The following DTNB variants were observed in gnomAD, a reference collection of about 807,000 sequenced individuals.
DTNB encodes the protein dystrobrevin beta.
A neutral mutation model predicts 90.7 loss-of-function variants in DTNB; 63 were observed. That is an observed-to-expected ratio of 0.69 (90% CI 0.57 to 0.86). DTNB has a LOEUF of 0.86. Ranked by LOEUF, DTNB falls within the 40% of genes least tolerant of loss-of-function variation. The probability of loss-of-function intolerance (pLI) is 0.00; values close to 1 mark genes in which losing one functional copy is unlikely to be tolerated. For missense variants in DTNB, 744 were observed against 807.1 expected (o/e 0.92, Z 0.95); for synonymous variants, 277 against 286.7 (o/e 0.97, Z 0.34).
intron 8 of DTNB, among the ~76,000 whole-genome samples, chr2:25,536,903 T>G (rs1054871623): frequency 2.6e-5 from 4 of 152,058 alleles, no homozygotes; most frequent in African/African-American, 7.2e-5. Flanking sequence ...CCACCATGCC[T>G]GGCTAATTTT....
intron 10 of DTNB, among the ~76,000 whole-genome samples, chr2:25,473,082 A>G (rs919815549): frequency 1.3e-5 from 2 of 152,242 alleles, no homozygotes; most frequent in South Asian, 4.2e-4. Context: ...ATTTCAGAAA[A>G]ACCCCTGCAG....
chr2:25,602,157 A>G (rs550720501), intron 5 of DTNB, among the ~76,000 whole-genome samples: 1 of 152,058 alleles, frequency 6.6e-6, no homozygotes, highest in African/African-American at 2.4e-5. Context: ...AAAGAAACTT[A>G]TTAATATGCC....
intron 10 of DTNB, among the ~76,000 whole-genome samples, chr2:25,458,562 G>A (rs561906554): frequency 2.0e-5 from 3 of 152,176 alleles, no homozygotes; most frequent in Non-Finnish European, 2.9e-5. Context: ...TCAACCTCCT[G>A]GGCTGAAGCA....
intron 9 of DTNB, among the ~76,000 whole-genome samples, chr2:25,512,073 A>C (rs545701129): frequency 6.6e-6 from 1 of 152,342 alleles, no homozygotes; most frequent in South Asian, 2.1e-4. Context: ...TATTCCATTA[A>C]CATGATCCAA....
At chr2:25,417,430 T>C (rs2149781684) in intron 16 of DTNB, among the ~76,000 whole-genome samples, 1 of 152,350 alleles carries the variant, frequency 6.6e-6, no homozygotes, top group Non-Finnish European at 1.5e-5. Context: ...TCCTGTTTCT[T>C]GGATTACATG....
intron 6 of DTNB, among the ~76,000 whole-genome samples, chr2:25,588,401 C>T (rs937461647): frequency 6.6e-6 from 1 of 151,004 alleles, no homozygotes; most frequent in Admixed American, 6.6e-5. Context: ...GAGTCTCCCT[C>T]TATTGCCAGG....
At chr2:25,418,018 T>C (rs940534604) in intron 16 of DTNB, among the ~76,000 whole-genome samples, 2 of 152,198 alleles carry the variant, frequency 1.3e-5, no homozygotes, top group Non-Finnish European at 2.9e-5. Context: ...AAGCATGTAA[T>C]GGCTGGGCTT....
intron 9 of DTNB, among the ~76,000 whole-genome samples, chr2:25,496,857 A>AG (rs2069009430): frequency 6.6e-6 from 1 of 151,952 alleles, no homozygotes; most frequent in East Asian, 1.9e-4. Context: ...AAAAAAAAAA[A>AG]AAGATAATAG....
rs529072373 is a variant in DTNB at position 25,620,861 on chromosome 2, TA to T, written c.362+7309del. On this transcript the variant is annotated intron_variant, in intron 4 of 20. Transcript: ENST00000406818. ...ACACTGAGAAACAGCTCTGAAATTTTAAAAAGCAAAAGAAAATAGCCAGGCA... is the reference window on the plus strand; with the variant it reads ...ACACTGAGAAACAGCTCTGAAATTTTAAAAGCAAAAGAAAATAGCCAGGCA... Among the ~76,000 whole-genome samples, 87 of 152,094 alleles carry T rather than the reference TA, an allele frequency of 5.7e-4. 1 individual carries two copies. Among genetic ancestry groups the T allele is most frequent in the Non-Finnish European group, 9.9e-4 (67 of 67,972 alleles).
rs1166993163 is a variant in DTNB, at chr2:25,433,972, G to T, written c.1281C>A (p.Ser427Arg). The change falls in exon 13 of 21, where the codon AGC becomes AGA. Residue 427 changes from serine to arginine, a missense_variant. Transcript: ENST00000406818. ...GTTGTTTGTTGGCATCAAAGTTAAAGCTCAAGTCAGTGGGAGGACGAGTCT... is the reference window on the plus strand; with the variant it reads ...GTTGTTTGTTGGCATCAAAGTTAAATCTCAAGTCAGTGGGAGGACGAGTCT... ...GNVTRPPTDL[S>R]FNFDANKQQR... 1.2e-6 allele frequency: 2 copies of T among 1,613,752 alleles called. No homozygotes were observed. The highest frequency in any genetic ancestry group is 1.7e-6 in the Non-Finnish European group (2 of 1,179,828).
At chr2:25,449,768 CTTTTTTT>C (rs35325641) in intron 12 of DTNB, among the ~76,000 whole-genome samples, 1 of 139,622 alleles carries the variant, frequency 7.2e-6, no homozygotes. Context: ...TTTTCTTTTT[CTTTTTTT>C]TTTTTTTGAC....
chr2:25,650,198 C>T (rs1371742948), intron 2 of DTNB: 12 of 985,350 alleles, frequency 1.2e-5, no homozygotes, highest in Non-Finnish European at 1.4e-5. Context: ...CCAGCCTCTT[C>T]TTAGTATCAG....
intron 1 of DTNB, among the ~76,000 whole-genome samples, chr2:25,664,123 A>T (rs1365645548): frequency 1.3e-5 from 2 of 152,234 alleles, no homozygotes; most frequent in African/African-American, 4.8e-5. Flanking sequence ...AACAGTGTAT[A>T]TAAGTCCATA....
chr2:25,623,530 G>A (rs561859698), intron 4 of DTNB, among the ~76,000 whole-genome samples: 44 of 152,216 alleles, frequency 2.9e-4, no homozygotes, highest in African/African-American at 1.0e-3. Flanking sequence ...AAAGGTAATC[G>A]TGTCCAGAAG....
intron 8 of DTNB, among the ~76,000 whole-genome samples, chr2:25,572,619 CATCAACCT>C (rs1354925306): frequency 6.6e-6 from 1 of 151,844 alleles, no homozygotes; most frequent in African/African-American, 2.4e-5. Flanking sequence ...CTTCACAACC[CATCAACCT>C]ACCCTGCCAG....
At position 25,387,522 on chromosome 2, in the gene DTNB, T is replaced by G; in HGVS notation, c.1736-144A>C. ...GATGGGGCCACAGCAGCTCCACCCA[T>G]TCCCAGGCACACCGGGGGCAGGAGG... is the stretch of plus-strand genomic sequence containing the variant. On this transcript the variant is annotated intron_variant, in intron 17 of 20. Coordinates refer to ENST00000406818, the MANE Select transcript of DTNB (RefSeq NM_021907.5). The surrounding 1 kb of genome is among the most constrained non-coding windows in gnomAD (Gnocchi z 4.5). 1 of 668,454 alleles carries G rather than the reference T, an allele frequency of 1.5e-6. No individual in the cohort carries two copies. Among genetic ancestry groups the G allele is most frequent in the Non-Finnish European group, 2.5e-6 (1 of 400,550 alleles). The allele number at this position is 668,454 out of a possible 1,614,324, so 41.4% of individuals were successfully genotyped here. A position where few individuals can be genotyped will look rare whatever the true frequency, so the allele number is the denominator to read the frequency against.
intron 8 of DTNB, 60 bp downstream of exon 8, chr2:25,576,772 CCCAGGT>C: frequency 6.8e-7 from 1 of 1,471,896 alleles, no homozygotes; most frequent in South Asian, 1.4e-5. Context: ...AGGAAACTGG[CCCAGGT>C]GCTGTTACTG....
At chr2:25,405,979 GGA>G (rs2045041082) in intron 16 of DTNB, among the ~76,000 whole-genome samples, 3 of 152,260 alleles carry the variant, frequency 2.0e-5, no homozygotes, top group African/African-American at 7.2e-5. Flanking sequence ...ATAGAAAGAG[GGA>G]GAGCAACTTT....
intron 1 of DTNB, among the ~76,000 whole-genome samples, chr2:25,653,454 GGAAAA>G (rs2081372479): frequency 6.8e-6 from 1 of 146,264 alleles, no homozygotes; most frequent in Non-Finnish European, 1.5e-5. Flanking sequence ...AAAGAAAGAA[GGAAAA>G]GAAAACTGTT....
Sources: allele counts gnomAD v4.1 joint callset (sites outside exome capture counted in the v4.1 genomes callset), GRCh38; gene constraint gnomAD v4.1.1; non-coding constraint Gnocchi (gnomAD v3.1); transcripts MANE v1.5; gene names NCBI Gene and HGNC (gene_info 2026-07-23, HGNC 2026-07-21).